The following NBAS variants were observed in gnomAD, a reference collection of about 807,000 sequenced individuals.
The protein encoded by NBAS is NAG/BC035112 fusion.
In NBAS, 219 loss-of-function variants were observed where a neutral mutation model predicts 302.5. The observed-to-expected ratio is 0.72, with a 90% CI of 0.65 to 0.81. NBAS has a LOEUF of 0.81. Ranked by LOEUF, NBAS falls within the 30% of genes least tolerant of loss-of-function variation. NBAS has a pLI of 0.00. For missense variants in NBAS, 2,932 were observed against 2,841.6 expected (o/e 1.03, Z -0.72); for synonymous variants, 1,118 against 1,021.6 (o/e 1.09, Z -1.80).
chr2:15,121,643 G>A, the NBAS span, among the ~76,000 whole-genome samples: 1 of 152,058 alleles, frequency 6.6e-6, no homozygotes, highest in Admixed American at 6.6e-5. Context: ...ACAAACCAGA[G>A]TAGTATTCAT....
chr2:15,159,816 C>T, the NBAS span, among the ~76,000 whole-genome samples: 1 of 151,824 alleles, frequency 6.6e-6, no homozygotes, highest in Non-Finnish European at 1.5e-5. Context: ...CACACACACA[C>T]ACACACACAC....
chr2:15,397,502 T>A, intron 26 of NBAS: 1 of 577,144 alleles, frequency 1.7e-6, no homozygotes, highest in South Asian at 1.7e-5. Context: ...GGGTGTTCGG[T>A]CCTTGCAGGC....
chr2:15,061,226 G>C, the NBAS span, among the ~76,000 whole-genome samples: 2 of 152,064 alleles, frequency 1.3e-5, no homozygotes, highest in Admixed American at 1.3e-4. Context: ...ACATACATTC[G>C]GATGTAACTG....
intron 49 of NBAS, among the ~76,000 whole-genome samples, chr2:15,189,288 C>A (rs892948109): frequency 6.6e-6 from 1 of 152,204 alleles, no homozygotes; most frequent in Admixed American, 6.5e-5. Context: ...GTGAAAGCAC[C>A]ATTCTCCTTG....
At chr2:15,217,768 T>C (rs1031765040) in intron 48 of NBAS, among the ~76,000 whole-genome samples, 2 of 152,236 alleles carry the variant, frequency 1.3e-5, no homozygotes, top group African/African-American at 4.8e-5. Flanking sequence ...ATTTATTCAA[T>C]CAATAAGGAT....
At chr2:15,076,646 A>G in the NBAS span, among the ~76,000 whole-genome samples, 6 of 152,274 alleles carry the variant, frequency 3.9e-5, no homozygotes, top group South Asian at 1.2e-3. Flanking sequence ...ATCATTGCTG[A>G]CTGAGCCCAT....
intron 11 of NBAS, among the ~76,000 whole-genome samples, chr2:15,497,022 A>T (rs1255556431): frequency 6.6e-6 from 1 of 152,124 alleles, no homozygotes; most frequent in Non-Finnish European, 1.5e-5. Context: ...AGGACAAATA[A>T]GGTAAAACCA....
chr2:15,424,437 T>C lies in NBAS; in HGVS notation c.2455A>G (p.Ser819Gly). The C allele has an allele frequency of 6.2e-7, 1 of 1,614,102 alleles. No homozygotes were observed. Among genetic ancestry groups the C allele is most frequent in the Non-Finnish European group, 8.5e-7 (1 of 1,179,970 alleles). Reference sequence around the variant, plus strand: ...GGCTGTGCAGCATACAAGAATTCACTTTCATCTTGGAGATTCGGCTCAACA... The same window carrying C: ...GGCTGTGCAGCATACAAGAATTCACCTTCATCTTGGAGATTCGGCTCAACA... ...MVVEPNLQDE[S>G]EFLYAAQPEL... The change falls in exon 23 of 52, where the codon AGT becomes GGT. Residue 819 changes from serine to glycine, a missense_variant. Ser to Gly is a moderately conservative substitution (Grantham distance 56). Coordinates refer to ENST00000281513, the MANE Select transcript of NBAS (RefSeq NM_015909.4).
At chr2:15,183,380 C>T (rs1156559858) in intron 50 of NBAS, among the ~76,000 whole-genome samples, 1 of 152,192 alleles carries the variant, frequency 6.6e-6, no homozygotes, top group Admixed American at 6.5e-5. Context: ...CAACAGAACT[C>T]TTTGAATAAT....
At chr2:14,842,763 C>T in the NBAS span, among the ~76,000 whole-genome samples, 1 of 151,124 alleles carries the variant, frequency 6.6e-6, no homozygotes, top group Non-Finnish European at 1.5e-5. Flanking sequence ...TCTACTCAGA[C>T]TCAAAAACAT....
At chr2:15,035,277 G>T in the NBAS span, among the ~76,000 whole-genome samples, 1 of 152,142 alleles carries the variant, frequency 6.6e-6, no homozygotes, top group Non-Finnish European at 1.5e-5. Flanking sequence ...ACCACAATGA[G>T]ATACCATCTC....
chr2:15,375,893 A>C (rs1400486485), intron 30 of NBAS, among the ~76,000 whole-genome samples: 1 of 152,028 alleles, frequency 6.6e-6, no homozygotes, highest in Non-Finnish European at 1.5e-5. Context: ...CACATGAAAA[A>C]ACCTTCAATA....
At chr2:15,055,675 C>CA in the NBAS span, among the ~76,000 whole-genome samples, 2 of 152,086 alleles carry the variant, frequency 1.3e-5, no homozygotes, top group Non-Finnish European at 2.9e-5. Flanking sequence ...GAGGTGTGTG[C>CA]ACGGTCTATG....
At chr2:15,233,591 G>A (rs1269363050) in intron 46 of NBAS, among the ~76,000 whole-genome samples, 2 of 152,060 alleles carry the variant, frequency 1.3e-5, no homozygotes, top group Non-Finnish European at 2.9e-5. Flanking sequence ...TTTGAAAGAG[G>A]ACACTGGTTC....
the NBAS span, among the ~76,000 whole-genome samples, chr2:14,958,003 T>C: frequency 2.4e-4 from 37 of 152,358 alleles, no homozygotes; most frequent in Admixed American, 1.2e-3. Context: ...TGAACCCATC[T>C]AGGCTTCCCA....
At chr2:15,490,554 A>T (rs1435372430) in intron 11 of NBAS, among the ~76,000 whole-genome samples, 1 of 152,186 alleles carries the variant, frequency 6.6e-6, no homozygotes, top group Non-Finnish European at 1.5e-5. Flanking sequence ...CTCAAATTTA[A>T]AGTCAATAAG....
the NBAS span, among the ~76,000 whole-genome samples, chr2:15,023,429 G>A: frequency 6.6e-6 from 1 of 151,934 alleles, no homozygotes; most frequent in African/African-American, 2.4e-5. Context: ...GTTACATTAC[G>A]TGAGAAAGAT....
At chr2:14,875,941 G>T in the NBAS span, among the ~76,000 whole-genome samples, 1 of 152,172 alleles carries the variant, frequency 6.6e-6, no homozygotes, top group African/African-American at 2.4e-5. Context: ...ACTGCATCAG[G>T]CATAGCAGCT....
the NBAS span, among the ~76,000 whole-genome samples, chr2:14,904,006 G>C: frequency 6.6e-6 from 1 of 152,186 alleles, no homozygotes; most frequent in African/African-American, 2.4e-5. Context: ...CATTAGGTTG[G>C]GCGAGGCGCT....
Sources: allele counts gnomAD v4.1 joint callset (sites outside exome capture counted in the v4.1 genomes callset), GRCh38; gene constraint gnomAD v4.1.1; transcripts MANE v1.5; gene names NCBI Gene and HGNC (gene_info 2026-07-23, HGNC 2026-07-21).